SDK1: variants seen among roughly 807,000 people sequenced by gnomAD.
The protein encoded by SDK1 is sidekick cell adhesion molecule 1.
A neutral mutation model predicts 245.5 loss-of-function variants in SDK1; 157 were observed. The observed-to-expected ratio is 0.64, with a 90% CI of 0.56 to 0.73. SDK1 has a LOEUF of 0.73. SDK1 is among the 30% of genes least tolerant of loss of function. The pLI is 0.00. For missense variants in SDK1, 3,583 were observed against 3,002.3 expected (o/e 1.19, Z -4.52); for synonymous variants, 1,647 against 1,278.5 (o/e 1.29, Z -6.15).
At chr7:3,534,245 A>G (rs1039629428) in intron 1 of SDK1, among the ~76,000 whole-genome samples, 3 of 152,128 alleles carry the variant, frequency 2.0e-5, no homozygotes, top group Non-Finnish European at 2.9e-5. Context: ...TTTTAAGTTA[A>G]TATTCCATTA....
chr7:3,455,473 G>A (rs1356474481), intron 1 of SDK1, among the ~76,000 whole-genome samples: 2 of 151,548 alleles, frequency 1.3e-5, no homozygotes, highest in African/African-American at 4.8e-5. Flanking sequence ...AGACTTGGGT[G>A]GAGATTCATT....
chr7:4,050,195 A>G (rs1023298039), intron 18 of SDK1, among the ~76,000 whole-genome samples: 8 of 152,182 alleles, frequency 5.3e-5, no homozygotes, highest in African/African-American at 1.4e-4. Flanking sequence ...AGTTTCCTCA[A>G]TACCTGGTAA....
intron 1 of SDK1, among the ~76,000 whole-genome samples, chr7:3,411,244 C>T (rs995825182): frequency 2.6e-5 from 4 of 152,030 alleles, no homozygotes; most frequent in African/African-American, 9.7e-5. Flanking sequence ...AAAAGCGCTT[C>T]CAAAAGTACA....
At chr7:3,374,752 C>T (rs1231231195) in intron 1 of SDK1, among the ~76,000 whole-genome samples, 2 of 152,136 alleles carry the variant, frequency 1.3e-5, no homozygotes, top group Non-Finnish European at 2.9e-5. Flanking sequence ...CTCTAATTCA[C>T]CTTTCAGGTC....
At chr7:3,418,242 G>T (rs180917785) in intron 1 of SDK1, among the ~76,000 whole-genome samples, 4 of 151,774 alleles carry the variant, frequency 2.6e-5, no homozygotes, top group African/African-American at 9.7e-5. Context: ...GCTTGAGCCC[G>T]GGAGGCGGAG....
At chr7:4,071,286 A>T (rs1372296639) in intron 20 of SDK1, among the ~76,000 whole-genome samples, 1 of 152,122 alleles carries the variant, frequency 6.6e-6, no homozygotes, top group Non-Finnish European at 1.5e-5. Context: ...CGGCCTCCCA[A>T]AGTGCTGGGA....
intron 35 of SDK1, among the ~76,000 whole-genome samples, chr7:4,180,148 G>C (rs1364204529): frequency 6.6e-6 from 1 of 152,152 alleles, no homozygotes; most frequent in Non-Finnish European, 1.5e-5. Context: ...TGGATGCCCA[G>C]CAAACAGCTC....
chr7:3,818,624 T>C (rs1779568998), intron 4 of SDK1, among the ~76,000 whole-genome samples: 1 of 152,200 alleles, frequency 6.6e-6, no homozygotes, highest in South Asian at 2.1e-4. Flanking sequence ...TGGAGTGTTT[T>C]GATTTCTAGT....
intron 5 of SDK1, among the ~76,000 whole-genome samples, chr7:3,872,640 G>T (rs1420745951): frequency 2.8e-5 from 4 of 144,042 alleles, no homozygotes; most frequent in African/African-American, 1.0e-4. Flanking sequence ...CTCGAATATT[G>T]TAGTTGTGCC....
chr7:3,522,643 C>T (rs1161819576), intron 1 of SDK1, among the ~76,000 whole-genome samples: 1 of 152,068 alleles, frequency 6.6e-6, no homozygotes, highest in Non-Finnish European at 1.5e-5. Flanking sequence ...TGAACGACTT[C>T]TTACTTCCTA....
chr7:3,785,603 C>G (rs983383350), intron 4 of SDK1, among the ~76,000 whole-genome samples: 2 of 152,014 alleles, frequency 1.3e-5, no homozygotes, highest in Non-Finnish European at 2.9e-5. Flanking sequence ...TCTTAACAGA[C>G]TATTGGTGTA....
At chr7:3,981,732 C>G (rs1256953653) in intron 13 of SDK1, among the ~76,000 whole-genome samples, 1 of 152,174 alleles carries the variant, frequency 6.6e-6, no homozygotes, top group South Asian at 2.1e-4. Flanking sequence ...CCATAGCTCT[C>G]TTCAGTTTTG....
At chr7:3,665,836 T>A (rs1367049419) in intron 4 of SDK1, among the ~76,000 whole-genome samples, 6 of 152,186 alleles carry the variant, frequency 3.9e-5, no homozygotes, top group African/African-American at 1.4e-4. Context: ...TTCCTTGTGT[T>A]GCTTTTCTCT....
At chr7:3,752,962 C>T (rs1005488758) in intron 4 of SDK1, among the ~76,000 whole-genome samples, 6 of 152,022 alleles carry the variant, frequency 3.9e-5, no homozygotes, top group Non-Finnish European at 7.3e-5. Context: ...TCTTAAATTC[C>T]ATCCCTCCCA....
chr7:3,562,875 C>T (rs939802466), intron 1 of SDK1, among the ~76,000 whole-genome samples: 3 of 152,210 alleles, frequency 2.0e-5, no homozygotes, highest in Non-Finnish European at 2.9e-5. Context: ...GGAGGAAATA[C>T]TTAAATATGA....
chr7:4,009,875 A>G (rs1001086711), intron 14 of SDK1, among the ~76,000 whole-genome samples: 6 of 152,218 alleles, frequency 3.9e-5, no homozygotes, highest in Admixed American at 3.9e-4. Flanking sequence ...GTGCATTTCC[A>G]ATGAGCTCGC....
chr7:4,251,935 C>T (rs1241766811), intron 44 of SDK1, among the ~76,000 whole-genome samples: 3 of 152,168 alleles, frequency 2.0e-5, no homozygotes, highest in Non-Finnish European at 4.4e-5. Context: ...TTCTCTGTGT[C>T]TGTCTGGATG....
rs78981731 is a variant in SDK1, at chr7:4,030,301, T to A, written c.2602+12949T>A. Among the ~76,000 whole-genome samples the A allele has an allele frequency of 5.3e-3, 815 of 152,352 alleles. 6 individuals are homozygous for A. Among genetic ancestry groups the A allele is most frequent in the South Asian group, 0.039 (190 of 4,830 alleles). ...ATTCAAATAGTGTGACAGCTATATA[T>A]GTGTACGAAAACAGCTTACGCAGAA... is the stretch of plus-strand genomic sequence containing the variant. On this transcript the variant is annotated intron_variant, in intron 17 of 44. Coordinates refer to ENST00000404826, the MANE Select transcript of SDK1 (RefSeq NM_152744.4).
intron 1 of SDK1, among the ~76,000 whole-genome samples, chr7:3,512,901 T>C (rs1782628054): frequency 6.6e-6 from 1 of 152,188 alleles, no homozygotes; most frequent in African/African-American, 2.4e-5. Flanking sequence ...ATAATGAGAT[T>C]TGACATTCAC....
Sources: gnomAD v4.1 joint callset for allele counts (sites outside exome capture counted in the v4.1 genomes callset) on GRCh38, gnomAD v4.1.1 for gene constraint, MANE v1.5 for transcripts, NCBI Gene and HGNC (gene_info 2026-07-23, HGNC 2026-07-21) for gene names.